Variants in NXN observed in about 807,000 individuals in gnomAD.
NXN encodes nucleoredoxin.
A neutral mutation model predicts 48.6 loss-of-function variants in NXN; 16 were observed. The ratio of observed to expected loss-of-function variants is 0.33; its 90% CI spans 0.22 to 0.50. The LOEUF (loss-of-function observed/expected upper bound fraction) is 0.50, where lower values mean the gene tolerates loss of function less well. NXN is among the 20% of genes least tolerant of loss of function. The pLI is 0.98. For synonymous variants in NXN, 281 were observed against 269.6 expected (o/e 1.04, Z -0.41); for missense variants, 492 against 605.5 (o/e 0.81, Z 1.97).
intron 1 of NXN, among the ~76,000 whole-genome samples, chr17:966,278 C>A (rs1354757839): frequency 6.6e-6 from 1 of 152,064 alleles, no homozygotes; most frequent in African/African-American, 2.4e-5. Flanking sequence ...TGTAAACTTT[C>A]TTAAAACATT....
At chr17:808,003 A>G (rs1024190238) in intron 5 of NXN, among the ~76,000 whole-genome samples, 1 of 152,160 alleles carries the variant, frequency 6.6e-6, no homozygotes, top group African/African-American at 2.4e-5. Flanking sequence ...GGCAGTGGTT[A>G]CAGTAGGGAT....
At position 839,797 on chromosome 17, in the gene NXN, TAA is replaced by T. The variant is rs553678056; in HGVS notation, c.361-13721_361-13720del. 1.9e-4 allele frequency among the ~76,000 whole-genome samples: 11 copies of T among 57,246 alleles called. 1 individual carries two copies. Among genetic ancestry groups the T allele is most frequent in the African/African-American group, 2.7e-4 (3 of 11,162 alleles). 37.6% of individuals were successfully genotyped at this position (57,246 alleles called of 152,430 possible). On this transcript the variant is annotated intron_variant, in intron 1 of 7. Transcript: ENST00000336868. The stretch of plus-strand genomic sequence containing the variant: ...CAGCCTGGCGACAGAGAGACCTTGT[TAA>T]AAAAAAAAAAAAAAAGGCCAGGCAC...
intron 1 of NXN, among the ~76,000 whole-genome samples, chr17:937,524 C>T (rs1396686522): frequency 6.6e-6 from 1 of 152,182 alleles, no homozygotes; most frequent in East Asian, 1.9e-4. Flanking sequence ...CCAAAACTCT[C>T]CGTCATCGAG....
intron 1 of NXN, among the ~76,000 whole-genome samples, chr17:881,198 C>T (rs569747888): frequency 1.6e-4 from 25 of 152,310 alleles, no homozygotes; most frequent in African/African-American, 3.1e-4. Flanking sequence ...CGGGTGAGGA[C>T]GTGGAGCAAG....
At chr17:810,782 A>G (rs1317902241) in intron 5 of NXN, among the ~76,000 whole-genome samples, 10 of 152,132 alleles carry the variant, frequency 6.6e-5, no homozygotes, top group African/African-American at 1.7e-4. Context: ...CCAGCTACTC[A>G]GGAGGCTGAA....
At chr17:818,247 T>A (rs1390806790) in intron 5 of NXN, among the ~76,000 whole-genome samples, 1 of 152,018 alleles carries the variant, frequency 6.6e-6, no homozygotes, top group Non-Finnish European at 1.5e-5. Context: ...GGCGACACGG[T>A]GAGACCCTGA....
In NXN at chr17:917,146, C is replaced by T. The variant is rs1424430717; in HGVS notation, c.360+62173G>A. On this transcript the variant is annotated intron_variant, in intron 1 of 7. Coordinates refer to ENST00000336868, the MANE Select transcript of NXN (RefSeq NM_022463.5). This position sits in a 1 kb window ranked among gnomAD's most constrained non-coding sequence, Gnocchi z 4.5. ...GTGAACCAAGGAATGAGGTGTTCCA[C>T]GCCTGAGCTCACATCTTTTTTTTTT... Among the ~76,000 whole-genome samples the T allele has an allele frequency of 2.6e-5, 4 of 151,870 alleles. No individual in the cohort carries two copies. The highest frequency in any genetic ancestry group is 7.3e-5 in the African/African-American group (3 of 41,326).
intron 1 of NXN, among the ~76,000 whole-genome samples, chr17:964,534 G>A (rs2069279670): frequency 6.6e-6 from 1 of 152,182 alleles, no homozygotes; most frequent in South Asian, 2.1e-4. Context: ...GCATCCAAGG[G>A]TTGAAGCCGG....
intron 1 of NXN, among the ~76,000 whole-genome samples, chr17:915,222 C>T (rs1031432109): frequency 5.3e-5 from 8 of 152,202 alleles, no homozygotes; most frequent in Admixed American, 4.6e-4. Context: ...GCGTGAGCCA[C>T]TGCACCCGGC....
At chr17:852,312 G>A (rs1597663767) in intron 1 of NXN, among the ~76,000 whole-genome samples, 3 of 152,148 alleles carry the variant, frequency 2.0e-5, no homozygotes, top group Admixed American at 2.0e-4. Flanking sequence ...CTCAGTCGGG[G>A]CGTCTCCAGC....
intron 1 of NXN, among the ~76,000 whole-genome samples, chr17:975,307 G>T (rs2069445829): frequency 6.6e-6 from 1 of 152,228 alleles, no homozygotes; most frequent in Non-Finnish European, 1.5e-5. Context: ...GCAAAGAAAA[G>T]ATACAGTGGT....
intron 1 of NXN, among the ~76,000 whole-genome samples, chr17:931,350 G>A (rs1243905785): frequency 1.3e-5 from 2 of 151,288 alleles, no homozygotes; most frequent in Non-Finnish European, 2.9e-5. Context: ...CTACTGGAGA[G>A]GCTGAGGCAG....
intron 5 of NXN, among the ~76,000 whole-genome samples, chr17:808,048 G>T (rs1911676142): frequency 6.6e-6 from 1 of 152,186 alleles, no homozygotes; most frequent in South Asian, 2.1e-4. Flanking sequence ...TTACACTGGG[G>T]ACAGGACCCT....
intron 1 of NXN, among the ~76,000 whole-genome samples, chr17:888,329 C>T (rs1204576945): frequency 6.6e-6 from 1 of 152,296 alleles, no homozygotes; most frequent in South Asian, 2.1e-4. Flanking sequence ...AGCGATCCTC[C>T]CACCTCAGCC....
At chr17:879,589 G>T (rs2068261554) in intron 1 of NXN, among the ~76,000 whole-genome samples, 1 of 151,932 alleles carries the variant, frequency 6.6e-6, no homozygotes, top group Non-Finnish European at 1.5e-5. Context: ...GCCCGGCCAC[G>T]AGTCTGGTTT....
rs11345310 is a variant in NXN at position 871,399 on chromosome 17, CTTTTTTTTTTTTT to C, written c.361-45334_361-45322del. On this transcript the variant is annotated intron_variant, in intron 1 of 7. Transcript: ENST00000336868. ...TGATAAATCGCAGCATACGCATTCA[CTTTTTTTTTTTTT>C]TTTTTTTTTTGAGATGGATTCTCAT... Among the ~76,000 whole-genome samples the C allele has an allele frequency of 2.9e-5, 3 of 101,714 alleles. No individual in the cohort carries two copies. The South Asian group carries it at 1.0e-3, about 35-fold the overall frequency. 66.7% of individuals were successfully genotyped at this position (101,714 alleles called of 152,430 possible).
rs563051820 is a variant in NXN at position 885,052 on chromosome 17, C to T, written c.361-58974G>A. Among the ~76,000 whole-genome samples the T allele has an allele frequency of 5.9e-5, 9 of 152,298 alleles. No homozygotes were observed. In the South Asian group the frequency reaches 1.7e-3, roughly 28 times the overall value. ...GAGGGACATCTAAGACCAAGCGGAGCTGAGTCAGGCCTCCTGGGTGGGATG... is the reference window on the plus strand; with the variant it reads ...GAGGGACATCTAAGACCAAGCGGAGTTGAGTCAGGCCTCCTGGGTGGGATG... On this transcript the variant is annotated intron_variant, in intron 1 of 7. Coordinates refer to ENST00000336868, the MANE Select transcript of NXN (RefSeq NM_022463.5).
chr17:924,782 A>T (rs973871224), intron 1 of NXN, among the ~76,000 whole-genome samples: 38 of 152,164 alleles, frequency 2.5e-4, no homozygotes, highest in African/African-American at 9.2e-4. Context: ...AGCCTCATTC[A>T]GTTTTAAAAT....
chr17:841,471 G>GAGCATCTCACACCC (rs1914235579), intron 1 of NXN, among the ~76,000 whole-genome samples: 1 of 78,784 alleles, frequency 1.3e-5, no homozygotes. Flanking sequence ...ATCTCACACG[G>GAGCATCTCACACCC]GCGAGCAGGT....
Sources: gnomAD v4.1 joint callset for allele counts (sites outside exome capture counted in the v4.1 genomes callset) on GRCh38, gnomAD v4.1.1 for gene constraint, Gnocchi (gnomAD v3.1) non-coding constraint, MANE v1.5 for transcripts, NCBI Gene and HGNC (gene_info 2026-07-23, HGNC 2026-07-21) for gene names.